FER: variants seen among roughly 807,000 people sequenced by gnomAD.
The protein encoded by FER is FER tyrosine kinase, also known as tyrosine-protein kinase Fer.
In FER, 63 loss-of-function variants were observed where a neutral mutation model predicts 111.0. The ratio of observed to expected loss-of-function variants is 0.57; its 90% CI spans 0.46 to 0.70. FER has a LOEUF of 0.70. FER is among the 30% of genes least tolerant of loss of function. FER has a pLI of 0.00. For synonymous variants in FER, 327 were observed against 313.9 expected (o/e 1.04, Z -0.44); for missense variants, 914 against 954.0 (o/e 0.96, Z 0.55).
intron 1 of FER, among the ~76,000 whole-genome samples, chr5:108,750,955 G>A (rs987164036): frequency 6.6e-6 from 1 of 152,238 alleles, no homozygotes; most frequent in African/African-American, 2.4e-5. Flanking sequence ...CACTTTGGGA[G>A]GCCGAGGCGG....
chr5:109,155,592 C>T (rs1582292511), intron 17 of FER, among the ~76,000 whole-genome samples: 1 of 151,874 alleles, frequency 6.6e-6, no homozygotes, highest in Non-Finnish European at 1.5e-5. Context: ...GTGATCTCAA[C>T]ACTCATGGAG....
At chr5:108,947,878 TATTTATTTATTTA>T (rs1182175784) in intron 11 of FER, among the ~76,000 whole-genome samples, 71 of 151,840 alleles carry the variant, frequency 4.7e-4, no homozygotes, top group African/African-American at 1.7e-3. Context: ...AATTTTTATT[TATTTATTTATTTA>T]ATTTATTTAT....
chr5:108,817,103 CA>C (rs70999913), intron 3 of FER, among the ~76,000 whole-genome samples: 219 of 59,110 alleles, frequency 3.7e-3, no homozygotes, highest in African/African-American at 9.8e-3. Context: ...GACACTGTCT[CA>C]AAAAAAAAAA....
intron 10 of FER, among the ~76,000 whole-genome samples, chr5:108,927,252 CTTTTTTT>C (rs766702172): frequency 2.1e-5 from 2 of 95,254 alleles, no homozygotes; most frequent in African/African-American, 1.2e-4. Flanking sequence ...AGAAGTGGCT[CTTTTTTT>C]TTTTTTTTTT....
At chr5:109,025,382 A>G (rs906916586) in intron 13 of FER, among the ~76,000 whole-genome samples, 3 of 152,158 alleles carry the variant, frequency 2.0e-5, no homozygotes, top group Non-Finnish European at 2.9e-5. Context: ...CTTTGGAGCA[A>G]TTGTGAATGG....
intron 14 of FER, among the ~76,000 whole-genome samples, chr5:109,040,726 G>A (rs936284808): frequency 1.4e-4 from 21 of 152,222 alleles, no homozygotes; most frequent in African/African-American, 4.8e-4. Flanking sequence ...CACTGTTACT[G>A]TTTAACTTGA....
At chr5:108,759,707 A>G (rs1751505845) in intron 1 of FER, among the ~76,000 whole-genome samples, 1 of 152,230 alleles carries the variant, frequency 6.6e-6, no homozygotes, top group South Asian at 2.1e-4. Flanking sequence ...GTGTGTCCTC[A>G]CATGGCAGAA....
At chr5:108,992,552 G>A (rs1186417493) in intron 13 of FER, among the ~76,000 whole-genome samples, 19 of 149,830 alleles carry the variant, frequency 1.3e-4, no homozygotes, top group African/African-American at 4.4e-4. Flanking sequence ...CGGGCAGAGG[G>A]GCTCCTCACT....
intron 16 of FER, among the ~76,000 whole-genome samples, chr5:109,056,713 T>C (rs1370083991): frequency 6.6e-6 from 1 of 152,172 alleles, no homozygotes; most frequent in Non-Finnish European, 1.5e-5. Flanking sequence ...GAGTAGAGTT[T>C]AGCTGTTCTT....
chr5:108,960,813 C>T (rs962280197), intron 13 of FER, among the ~76,000 whole-genome samples: 4 of 152,178 alleles, frequency 2.6e-5, no homozygotes, highest in Admixed American at 6.5e-5. Context: ...AGTGATGCCA[C>T]CAAATACCCA....
At chr5:109,165,755 G>A (rs541454417) in intron 17 of FER, among the ~76,000 whole-genome samples, 1 of 152,238 alleles carries the variant, frequency 6.6e-6, no homozygotes, top group Admixed American at 6.5e-5. Context: ...GTAAACATAT[G>A]TAACATACAT....
intron 17 of FER, among the ~76,000 whole-genome samples, chr5:109,147,130 A>T (rs1289438453): frequency 6.6e-6 from 1 of 152,010 alleles, no homozygotes; most frequent in African/African-American, 2.4e-5. Flanking sequence ...GACTTCTCAA[A>T]AAAAAATTGA....
chr5:109,160,563 G>C (rs1755878787), intron 17 of FER, among the ~76,000 whole-genome samples: 1 of 152,108 alleles, frequency 6.6e-6, no homozygotes, highest in African/African-American at 2.4e-5. Flanking sequence ...TCGGTTCTCT[G>C]TGCTAAATAA....
intron 1 of FER, among the ~76,000 whole-genome samples, chr5:108,754,385 C>T (rs933723193): frequency 2.6e-5 from 3 of 115,714 alleles, no homozygotes; most frequent in African/African-American, 1.0e-4. Flanking sequence ...TCGGCCTGGG[C>T]AACAGAGTGA....
At chr5:108,892,675 G>T (rs2150313327) in intron 9 of FER, among the ~76,000 whole-genome samples, 1 of 152,228 alleles carries the variant, frequency 6.6e-6, no homozygotes. Context: ...AGTTTAATTA[G>T]ATCCCGTTTG....
chr5:108,982,663 A>G (rs926954189), intron 13 of FER, among the ~76,000 whole-genome samples: 2 of 152,140 alleles, frequency 1.3e-5, no homozygotes, highest in African/African-American at 4.8e-5. Context: ...AGTAAATAGT[A>G]AAGTTCATCT....
At chr5:109,027,829 C>G (rs1269777938) in intron 13 of FER, among the ~76,000 whole-genome samples, 1 of 152,040 alleles carries the variant, frequency 6.6e-6, no homozygotes, top group African/African-American at 2.4e-5. Flanking sequence ...ATTTGTGAGG[C>G]AAAATTCTAA....
At chr5:108,810,987 G>A (rs1240763819) in intron 3 of FER, among the ~76,000 whole-genome samples, 2 of 152,194 alleles carry the variant, frequency 1.3e-5, no homozygotes, top group African/African-American at 4.8e-5. Context: ...TCTATGCACA[G>A]GAAGGGTGGG....
chr5:109,092,131 T>A (rs1746854631), intron 16 of FER, among the ~76,000 whole-genome samples: 2 of 151,670 alleles, frequency 1.3e-5, no homozygotes, highest in Non-Finnish European at 2.9e-5. Flanking sequence ...TTGCCTAAAA[T>A]GACCTAAATG....
Sources: gnomAD v4.1 joint callset for allele counts (sites outside exome capture counted in the v4.1 genomes callset) on GRCh38, gnomAD v4.1.1 for gene constraint, MANE v1.5 for transcripts, NCBI Gene and HGNC (gene_info 2026-07-23, HGNC 2026-07-21) for gene names.